The following RABGAP1 variants were observed in gnomAD, a reference collection of about 807,000 sequenced individuals.
The protein encoded by RABGAP1 is RAB GTPase activating protein 1.
A neutral mutation model predicts 137.6 loss-of-function variants in RABGAP1; 23 were observed. That is an observed-to-expected ratio of 0.17 (90% CI 0.12 to 0.24). The LOEUF is 0.24. Ranked by LOEUF, RABGAP1 falls within the 10% of genes least tolerant of loss-of-function variation. RABGAP1 has a pLI of 1.00. For synonymous variants in RABGAP1, 451 were observed against 450.7 expected (o/e 1.00, Z -0.01); for missense variants, 906 against 1,275.8 (o/e 0.71, Z 4.42).
At chr9:122,992,794 CTAAA>C (rs1291428253) in intron 6 of RABGAP1, among the ~76,000 whole-genome samples, 1 of 147,890 alleles carries the variant, frequency 6.8e-6, no homozygotes, top group East Asian at 2.0e-4. Context: ...ACTATTATAC[CTAAA>C]TATTTATTTT....
chr9:123,009,338 G>A (rs1480639201), intron 10 of RABGAP1, among the ~76,000 whole-genome samples: 4 of 152,210 alleles, frequency 2.6e-5, no homozygotes, highest in South Asian at 4.1e-4. Context: ...TCCATGATAG[G>A]GTTAATTTAT....
At chr9:123,080,513 C>CA (rs1173073713) in intron 19 of RABGAP1, among the ~76,000 whole-genome samples, 1 of 152,054 alleles carries the variant, frequency 6.6e-6, no homozygotes, top group African/African-American at 2.4e-5. Context: ...TACTTAATAC[C>CA]AAAAAATTTT....
chr9:122,972,246 A>G (rs1385719558), intron 2 of RABGAP1, among the ~76,000 whole-genome samples: 1 of 152,176 alleles, frequency 6.6e-6, no homozygotes, highest in African/African-American at 2.4e-5. Flanking sequence ...CTGGGCAACA[A>G]CAGTGCGACC....
intron 6 of RABGAP1, chr9:122,990,892 G>C (rs1376906419): frequency 7.7e-6 from 1 of 129,696 alleles, no homozygotes; most frequent in Non-Finnish European, 1.6e-5. Flanking sequence ...GATTGTATTT[G>C]CTTGTTTTAG....
At chr9:122,945,147 C>CCTTTTTTTTTTTTT (rs1833871783) in intron 1 of RABGAP1, among the ~76,000 whole-genome samples, 1 of 75,772 alleles carries the variant, frequency 1.3e-5, no homozygotes, top group African/African-American at 4.0e-5. Flanking sequence ...ATAGCTGTTG[C>CCTTTTTTTTTTTTT]TTTTTTTTTT....
At position 123,046,022 on chromosome 9, in the gene RABGAP1, T is replaced by C. The variant is rs1348179122; in HGVS notation, c.1795-19326T>C. Among the ~76,000 whole-genome samples, 47 of 152,172 alleles carry C rather than the reference T, an allele frequency of 3.1e-4. 1 individual carries two copies. The highest frequency in any genetic ancestry group is 3.1e-3 in the Admixed American group (47 of 15,274). On this transcript the variant is annotated intron_variant, in intron 13 of 25. Transcript: ENST00000373647. Reference sequence around the variant, plus strand: ...CATCAGAGGAAAGGCCTTGGGTGAATGTGGAGTGGCCTGGTGTGCTTCCTT... The same window carrying C: ...CATCAGAGGAAAGGCCTTGGGTGAACGTGGAGTGGCCTGGTGTGCTTCCTT...
chr9:123,023,285 A>G (rs1374059673), intron 13 of RABGAP1, among the ~76,000 whole-genome samples: 1 of 152,106 alleles, frequency 6.6e-6, no homozygotes, highest in East Asian at 1.9e-4. Context: ...GATTAAAGCG[A>G]TTCTCCTGCA....
rs777375154 is a variant in RABGAP1, at chr9:122,990,157, C to G, written c.867C>G (p.Ile289Met). ...TAAPQTPDSD[I>M]FTFSVSLEIK... ...CACCCCAGACTCCTGACAGTGACAT[C>G]TTTACCTTCTCTGTGTCTTTAGAAA... The change falls in exon 6 of 26, where the codon ATC (isoleucine) becomes ATG (methionine). Residue 289 changes from isoleucine to methionine, a missense_variant. Coordinates refer to ENST00000373647, the MANE Select transcript of RABGAP1 (RefSeq NM_012197.4). 1 of 1,612,052 alleles carries G rather than the reference C, an allele frequency of 6.2e-7. No homozygotes were observed. The highest frequency in any genetic ancestry group is 1.7e-5 in the Admixed American group (1 of 60,004).
rs763417062 is a variant in RABGAP1, at chr9:123,103,264, CCTT to C, written c.*55_*57del. On this transcript the variant is annotated 3_prime_UTR_variant, in exon 26 of 26. Coordinates refer to ENST00000373647, the MANE Select transcript of RABGAP1 (RefSeq NM_012197.4). ...TCAGAAAACACGACACCTTTTGTTG[CCTT>C]CTTTGGCCAGATGTGTGATTCTGTG... The C allele has an allele frequency of 1.2e-6, 2 of 1,604,386 alleles. No individual in the cohort carries two copies. Among genetic ancestry groups the C allele is most frequent in the South Asian group, 2.2e-5 (2 of 89,694 alleles).
At chr9:123,084,578 G>T (rs770664025) in intron 19 of RABGAP1, among the ~76,000 whole-genome samples, 1 of 152,172 alleles carries the variant, frequency 6.6e-6, no homozygotes, top group Non-Finnish European at 1.5e-5. Context: ...CACTTCCAGA[G>T]GGTAGCCTGT....
chr9:122,986,531 A>G lies in RABGAP1; in HGVS notation c.590+112A>G, dbSNP rs185826006. 1.1e-4 allele frequency: 126 copies of G among 1,176,220 alleles called. No individual in the cohort carries two copies. The Admixed American group carries it at 2.7e-3, about 26-fold the overall frequency. The allele number at this position is 1,176,220 out of a possible 1,614,324, so 72.9% of individuals were successfully genotyped here. ...ATATTAATAGTTATTTTACTTGTGT[A>G]ACGTTTCATTTACCTGGCACTCATG... On this transcript the variant is annotated intron_variant, in intron 4 of 25. Coordinates refer to ENST00000373647, the MANE Select transcript of RABGAP1 (RefSeq NM_012197.4).
chr9:123,079,832 C>A (rs1000282881), intron 19 of RABGAP1, among the ~76,000 whole-genome samples: 1 of 152,092 alleles, frequency 6.6e-6, no homozygotes, highest in Non-Finnish European at 1.5e-5. Context: ...AGCAGCTCCC[C>A]CAACCTTTAT....
intron 19 of RABGAP1, among the ~76,000 whole-genome samples, chr9:123,088,839 G>C (rs1026747003): frequency 1.3e-5 from 2 of 152,222 alleles, no homozygotes; most frequent in Non-Finnish European, 2.9e-5. Flanking sequence ...TTTTCTAGAA[G>C]AAAGCAGAGA....
chr9:123,020,686 G>GTA lies in RABGAP1; in HGVS notation c.1794+231_1794+232dup, dbSNP rs137962256. 2.9e-3 allele frequency among the ~76,000 whole-genome samples: 447 copies of GTA among 152,220 alleles called. 2 individuals carry two copies. The highest frequency in any genetic ancestry group is 0.01 in the African/African-American group (423 of 41,522). ...GACCAAAGGTGTCTTCTAGCCCATT[G>GTA]TATATCCAGATTCTTTTTTGAGTGT... On this transcript the variant is annotated intron_variant, in intron 13 of 25. Coordinates refer to ENST00000373647, the MANE Select transcript of RABGAP1 (RefSeq NM_012197.4).
intron 1 of RABGAP1, among the ~76,000 whole-genome samples, chr9:122,952,679 T>G (rs921329498): frequency 7.9e-5 from 12 of 152,112 alleles, no homozygotes; most frequent in African/African-American, 2.9e-4. Flanking sequence ...GAGGCTGCAG[T>G]GAGCTAGGAT....
intron 2 of RABGAP1, among the ~76,000 whole-genome samples, chr9:122,961,463 G>C (rs968358627): frequency 6.6e-6 from 1 of 152,148 alleles, no homozygotes; most frequent in African/African-American, 2.4e-5. Context: ...TGAAGTAAAG[G>C]CATTCTGAGG....
At chr9:122,934,607 T>G in the RABGAP1 span, among the ~76,000 whole-genome samples, 1 of 151,990 alleles carries the variant, frequency 6.6e-6, no homozygotes, top group Non-Finnish European at 1.5e-5. Context: ...GCTCAAGTGG[T>G]CTTCTCGCCT....
chr9:122,990,030 C>T lies in RABGAP1; in HGVS notation c.766-26C>T, dbSNP rs1836588662. On this transcript the variant is annotated intron_variant, in intron 5 of 25. Coordinates refer to ENST00000373647, the MANE Select transcript of RABGAP1 (RefSeq NM_012197.4). ...GTATTTTATATCTTTTGATAACAGC[C>T]CATTTCCTAACATGTCTGGTTGTAG... 3.2e-6 allele frequency: 5 copies of T among 1,552,942 alleles called. No homozygotes were observed. The East Asian group carries it at 6.8e-5, about 21-fold the overall frequency.
At chr9:123,100,382 G>GGTGTGTGT (rs1431572035) in intron 24 of RABGAP1, among the ~76,000 whole-genome samples, 5 of 130,364 alleles carry the variant, frequency 3.8e-5, no homozygotes, top group Admixed American at 2.5e-4. Flanking sequence ...TGTTTAACCA[G>GGTGTGTGT]ATGTGTGTGT....
Sources: gnomAD v4.1 joint callset for allele counts (sites outside exome capture counted in the v4.1 genomes callset) on GRCh38, gnomAD v4.1.1 for gene constraint, MANE v1.5 for transcripts, NCBI Gene and HGNC (gene_info 2026-07-23, HGNC 2026-07-21) for gene names.